FBXO17: variants seen among roughly 807,000 people sequenced by gnomAD.
FBXO17 encodes F-box only protein 17.
Under a neutral mutation model 34.1 loss-of-function variants are expected in FBXO17, and 43 were observed. The ratio of observed to expected loss-of-function variants is 1.26; its 90% confidence interval spans 0.99 to 1.62. The LOEUF is 1.62. Ranked by LOEUF, FBXO17 falls within the 40% of genes most tolerant of loss-of-function variation. The probability of loss-of-function intolerance (pLI) is 0.00; values close to 1 mark genes in which losing one functional copy is unlikely to be tolerated. For synonymous variants in FBXO17, 169 were observed against 166.0 expected (o/e 1.02, Z -0.14); for missense variants, 424 against 386.7 (o/e 1.10, Z -0.81).
At chr19:38,946,357 G>A in intron 4 of FBXO17, 115 bp downstream of exon 4, 1 of 1,500,870 alleles carries the variant, frequency 6.7e-7, no homozygotes, top group Non-Finnish European at 9.0e-7. Flanking sequence ...CATCACAAAG[G>A]GTGCACAGTG....
At position 38,950,270 on chromosome 19, in the gene FBXO17, G is replaced by GC; in HGVS notation, c.49dup (p.Ala17GlyfsTer164). 2 of 1,483,462 alleles carry GC rather than the reference G, an allele frequency of 1.3e-6. No individual in the cohort carries two copies. The highest frequency in any genetic ancestry group is 1.8e-6 in the Non-Finnish European group (2 of 1,126,216). The allele number at this position is 1,483,462 out of a possible 1,614,324, so 91.9% of individuals were successfully genotyped here. A position where few individuals can be genotyped will look rare whatever the true frequency, so the allele number is the denominator to read the frequency against. ...CAGCTCCGGGGGCAGCGCGTCCAGG[G>GC]CCAGGGATGGGTCCGCCGGCAGCCG... On this transcript the variant is annotated frameshift_variant, in exon 2 of 6. Transcript: ENST00000292852. LOFTEE classifies it high-confidence loss of function.
chr19:38,972,434 A>G (rs539601253), intron 1 of FBXO17, among the ~76,000 whole-genome samples: 4 of 151,892 alleles, frequency 2.6e-5, no homozygotes, highest in Non-Finnish European at 4.4e-5. Flanking sequence ...AATCCCAGCT[A>G]CTCAGGAAGC....
intron 3 of FBXO17, 26 bp downstream of exon 3, chr19:38,948,541 C>T (rs756476053): frequency 2.8e-5 from 44 of 1,587,434 alleles, no homozygotes; most frequent in Admixed American, 6.8e-5. Flanking sequence ...CCCCAGGGAT[C>T]GGGGCCTCTC....
chr19:38,972,679 C>A (rs1975405129), intron 1 of FBXO17, among the ~76,000 whole-genome samples: 2 of 152,136 alleles, frequency 1.3e-5, no homozygotes, highest in African/African-American at 4.8e-5. Context: ...CCAATTTTTA[C>A]TATGAAATTT....
intron 5 of FBXO17, among the ~76,000 whole-genome samples, chr19:38,943,364 C>T (rs1299981118): frequency 4.0e-5 from 6 of 151,876 alleles, no homozygotes; most frequent in East Asian, 1.9e-4. Context: ...ACCTCCACCT[C>T]GCAGGTTCAA....
In FBXO17 at chr19:38,949,391, C is replaced by T. The variant is rs373823072; in HGVS notation, c.349+580G>A. 8.3e-4 allele frequency among the ~76,000 whole-genome samples: 127 copies of T among 152,212 alleles called. 1 individual carries two copies. In the East Asian group the frequency reaches 0.018, roughly 22 times the overall value. On this transcript the variant is annotated intron_variant, in intron 2 of 5. Transcript: ENST00000292852. ...CTGGGATTACAGGCGTGAGCCACTG[C>T]GCCTGGACTAATTTTTAAATTTTTT...
In FBXO17 at chr19:38,966,293, T is replaced by TTGTGTGTGTGGGTG. The variant is rs1555752429; in HGVS notation, c.-18+9292_-18+9293insCACCCACACACACA. Among the ~76,000 whole-genome samples, 12 of 143,054 alleles carry TTGTGTGTGTGGGTG rather than the reference T, an allele frequency of 8.4e-5. No individual in the cohort carries two copies. The East Asian group carries it at 2.4e-3, about 29-fold the overall frequency. The allele number at this position is 143,054 out of a possible 152,430, so 93.8% of individuals were successfully genotyped here. A position where few individuals can be genotyped will look rare whatever the true frequency, so the allele number is the denominator to read the frequency against. ...CCAACATTCTCTTAAATTAAAAATT[T>TTGTGTGTGTGGGTG]TGTGTGTGTGTGTGTGTGTGTGTGT... On this transcript the variant is annotated intron_variant, in intron 1 of 5. Transcript: ENST00000292852.
intron 1 of FBXO17, among the ~76,000 whole-genome samples, chr19:38,959,890 T>C (rs1412809923): frequency 6.6e-6 from 1 of 151,932 alleles, no homozygotes; most frequent in Non-Finnish European, 1.5e-5. Context: ...AGTGAGACTC[T>C]GTCTCCAAAA....
At chr19:38,953,351 GA>G (rs1975114889) in intron 1 of FBXO17, among the ~76,000 whole-genome samples, 1 of 151,458 alleles carries the variant, frequency 6.6e-6, no homozygotes, top group African/African-American at 2.4e-5. Context: ...GCTGTAGCTA[GA>G]AGGGGAGGTG....
At chr19:38,950,458 G>A in intron 1 of FBXO17, 122 bp from the exon 2 acceptor site, 2 of 1,267,882 alleles carry the variant, frequency 1.6e-6, no homozygotes, top group Non-Finnish European at 2.0e-6. Flanking sequence ...TGGGCAACCA[G>A]GGACCCATTT....
chr19:38,973,004 G>C (rs1465359830), intron 1 of FBXO17, among the ~76,000 whole-genome samples: 1 of 152,124 alleles, frequency 6.6e-6, no homozygotes, highest in East Asian at 1.9e-4. Flanking sequence ...CAAAGTGCTG[G>C]CATTACAGGC....
chr19:38,963,737 G>C (rs988347533), intron 1 of FBXO17, among the ~76,000 whole-genome samples: 13 of 151,864 alleles, frequency 8.6e-5, no homozygotes, highest in African/African-American at 3.1e-4. Flanking sequence ...TATGAATAAG[G>C]CTGCTATGAA....
At chr19:38,973,190 C>T (rs1011153485) in intron 1 of FBXO17, among the ~76,000 whole-genome samples, 24 of 151,956 alleles carry the variant, frequency 1.6e-4, no homozygotes, top group Admixed American at 1.2e-3. Flanking sequence ...CTGACCAACA[C>T]GGTGAAACCC....
chr19:38,962,954 C>T (rs1975273382), intron 1 of FBXO17, among the ~76,000 whole-genome samples: 1 of 152,124 alleles, frequency 6.6e-6, no homozygotes, highest in Non-Finnish European at 1.5e-5. Context: ...TCGTGATCCA[C>T]CTGCCTTGCC....
chr19:38,949,736 G>C (rs909849340), intron 2 of FBXO17: 20 of 577,156 alleles, frequency 3.5e-5, no homozygotes, highest in Admixed American at 2.0e-4. Flanking sequence ...TTTCTCCCCC[G>C]GCCCAGCCAG....
At chr19:38,971,927 C>G (rs1424850650) in intron 1 of FBXO17, among the ~76,000 whole-genome samples, 1 of 152,202 alleles carries the variant, frequency 6.6e-6, no homozygotes, top group African/African-American at 2.4e-5. Context: ...TGAGCACTTA[C>G]TTTGCTCTAG....
At chr19:38,942,865 G>C (rs1974913648) in intron 5 of FBXO17, 114 bp from the exon 6 acceptor site, 1 of 1,289,136 alleles carries the variant, frequency 7.8e-7, no homozygotes, top group Non-Finnish European at 1.0e-6. Flanking sequence ...TAGTTTGCTG[G>C]GGACGGAGCA....
chr19:38,952,589 TCTG>T (rs368228377), intron 1 of FBXO17: 28 of 534,398 alleles, frequency 5.2e-5, no homozygotes, highest in African/African-American at 4.8e-4. Flanking sequence ...TCATGCGTCA[TCTG>T]CTGACCCAGA....
chr19:38,965,895 G>A (rs745388916), intron 1 of FBXO17, among the ~76,000 whole-genome samples: 3 of 152,164 alleles, frequency 2.0e-5, no homozygotes, highest in South Asian at 4.1e-4. Context: ...GCCCACCTCA[G>A]CCTCTCAAAA....
Sources: allele counts gnomAD v4.1 joint callset (sites outside exome capture counted in the v4.1 genomes callset), GRCh38; gene constraint gnomAD v4.1.1; transcripts MANE v1.5; gene names NCBI Gene and HGNC (gene_info 2026-07-23, HGNC 2026-07-21).